DUSP22: variants seen among roughly 807,000 people sequenced by gnomAD.
DUSP22 encodes dual specificity protein phosphatase 22.
In DUSP22, 24 loss-of-function variants were observed where a neutral mutation model predicts 24.5. That is an observed-to-expected ratio of 0.98 (90% confidence interval 0.71 to 1.38). The LOEUF is 1.38. DUSP22 is among the 40% of genes most tolerant of loss of function. The probability of loss-of-function intolerance (pLI) is 0.00; values close to 1 mark genes in which losing one functional copy is unlikely to be tolerated. For synonymous variants in DUSP22, 160 were observed against 106.4 expected, an observed-to-expected ratio of 1.50 and a Z score of -3.10; for missense variants, 330 against 269.2, an observed-to-expected ratio of 1.23 and a Z score of -1.58.
intron 4 of DUSP22, among the ~76,000 whole-genome samples, chr6:339,732 A>G (rs1360542498): frequency 1.3e-5 from 2 of 152,308 alleles, no homozygotes; most frequent in Admixed American, 6.5e-5. Context: ...TATATTGAAA[A>G]CATCGGTAAA....
intron 1 of DUSP22, among the ~76,000 whole-genome samples, chr6:296,947 C>T (rs1277272132): frequency 1.3e-5 from 2 of 152,306 alleles, no homozygotes; most frequent in African/African-American, 2.4e-5. Context: ...TGAAAGCACC[C>T]TGCCTGGTGG....
chr6:309,604 C>T (rs2127396326), intron 2 of DUSP22, among the ~76,000 whole-genome samples: 1 of 152,410 alleles, frequency 6.6e-6, no homozygotes, highest in East Asian at 1.9e-4. Context: ...GGAGATTCCT[C>T]AGCCCCAGGG....
At chr6:322,830 TG>T (rs61690495) in intron 3 of DUSP22, among the ~76,000 whole-genome samples, 26 of 18,818 alleles carry the variant, frequency 1.4e-3, no homozygotes, top group East Asian at 2.5e-3. Context: ...GGCTGCTTGG[TG>T]GGGCGGGGGG....
At chr6:322,422 G>T (rs1482167553) in intron 3 of DUSP22, among the ~76,000 whole-genome samples, 1 of 152,300 alleles carries the variant, frequency 6.6e-6, no homozygotes, top group Non-Finnish European at 1.5e-5. Flanking sequence ...GCGCCTCAGG[G>T]TACTCTGGCC....
intron 4 of DUSP22, among the ~76,000 whole-genome samples, chr6:340,106 G>T (rs1759538065): frequency 6.6e-6 from 1 of 152,300 alleles, no homozygotes; most frequent in Non-Finnish European, 1.5e-5. Context: ...TGATGTTGTA[G>T]TAAGTGGTAG....
intron 1 of DUSP22, among the ~76,000 whole-genome samples, chr6:296,834 T>C (rs1757353215): frequency 6.6e-6 from 1 of 152,302 alleles, no homozygotes; most frequent in Non-Finnish European, 1.5e-5. Flanking sequence ...GACCCTCTGG[T>C]TGGCATCTTG....
chr6:312,320 C>T (rs1758147412), intron 3 of DUSP22, among the ~76,000 whole-genome samples: 1 of 152,304 alleles, frequency 6.6e-6, no homozygotes, highest in African/African-American at 2.4e-5. Flanking sequence ...TCAGCCTGCT[C>T]ATTTCCTGAT....
intron 3 of DUSP22, among the ~76,000 whole-genome samples, chr6:314,639 G>C (rs537225771): frequency 0.012 from 1,770 of 151,878 alleles, no homozygotes; most frequent in African/African-American, 0.04. Context: ...CCCTCTGGAA[G>C]GTTCACAGTT....
rs1353588281 is a variant in DUSP22, at chr6:349,066, G to A, written c.*115G>A. The A allele has an allele frequency of 8.1e-6, 12 of 1,483,300 alleles. No individual in the cohort carries two copies. The highest frequency in any genetic ancestry group is 2.5e-5 in the East Asian group (1 of 40,406). 91.9% of individuals were successfully genotyped at this position (1,483,300 alleles called of 1,614,324 possible). On this transcript the variant is annotated 3_prime_UTR_variant, in exon 7 of 7. Transcript: ENST00000419235. ...GAAAGGGAGATAGCCAGGGCGAGGT[G>A]GGGCGAGGGCTCCTTCCCCCAAGCA...
chr6:315,655 CT>C (rs1371723459), intron 3 of DUSP22, among the ~76,000 whole-genome samples: 3 of 152,308 alleles, frequency 2.0e-5, no homozygotes, highest in Non-Finnish European at 4.4e-5. Flanking sequence ...CTTTGCTCTT[CT>C]TTCCTTTTAA....
intron 2 of DUSP22, among the ~76,000 whole-genome samples, chr6:309,478 GA>G (rs1361445540): frequency 6.6e-6 from 1 of 152,292 alleles, no homozygotes; most frequent in Non-Finnish European, 1.5e-5. Context: ...TTGGAGCAAT[GA>G]AAAGAGTCTT....
chr6:334,628 C>T (rs1451975075), intron 3 of DUSP22, among the ~76,000 whole-genome samples: 1 of 152,296 alleles, frequency 6.6e-6, no homozygotes, highest in Non-Finnish European at 1.5e-5. Flanking sequence ...ATTGGTGCGT[C>T]AGTGAAATTG....
At chr6:345,110 A>T (rs1759796741) in intron 4 of DUSP22, among the ~76,000 whole-genome samples, 1 of 152,288 alleles carries the variant, frequency 6.6e-6, no homozygotes, top group South Asian at 2.1e-4. Context: ...CATTGTAAAT[A>T]ATGGATTCTG....
chr6:295,801 A>C (rs1231497394), intron 1 of DUSP22, among the ~76,000 whole-genome samples: 1 of 6,390 alleles, frequency 1.6e-4, no homozygotes. Flanking sequence ...CCCTGTTTCA[A>C]AAAAAAAAAA....
At chr6:315,998 TC>T (rs1429132619) in intron 3 of DUSP22, among the ~76,000 whole-genome samples, 1 of 152,428 alleles carries the variant, frequency 6.6e-6, no homozygotes, top group South Asian at 2.1e-4. Flanking sequence ...AGATCCTTCT[TC>T]TGCCGTTGAA....
At chr6:323,564 T>A (rs796190110) in intron 3 of DUSP22, among the ~76,000 whole-genome samples, 1 of 152,308 alleles carries the variant, frequency 6.6e-6, no homozygotes, top group African/African-American at 2.4e-5. Flanking sequence ...GGCCCTTGGC[T>A]CCTTCCGTGA....
At chr6:347,844 G>A (rs1759954521) in intron 5 of DUSP22, among the ~76,000 whole-genome samples, 1 of 152,306 alleles carries the variant, frequency 6.6e-6, no homozygotes, top group African/African-American at 2.4e-5. Context: ...GGGAGCATCT[G>A]GAGCCACAGC....
chr6:323,597 A>G (rs1758709038), intron 3 of DUSP22, among the ~76,000 whole-genome samples: 1 of 152,304 alleles, frequency 6.6e-6, no homozygotes, highest in African/African-American at 2.4e-5. Flanking sequence ...CTATCAGTGC[A>G]AGGAGAGGAC....
chr6:296,689 C>T (rs1224778858), intron 1 of DUSP22, among the ~76,000 whole-genome samples: 1 of 152,278 alleles, frequency 6.6e-6, no homozygotes, highest in Non-Finnish European at 1.5e-5. Context: ...CCATTAAAAA[C>T]AAAACAAACG....
Sources: gnomAD v4.1 joint callset for allele counts (sites outside exome capture counted in the v4.1 genomes callset) on GRCh38, gnomAD v4.1.1 for gene constraint, MANE v1.5 for transcripts, NCBI Gene and HGNC (gene_info 2026-07-23, HGNC 2026-07-21) for gene names.